Variants in TUBGCP3 observed in about 807,000 individuals in gnomAD.
The protein encoded by TUBGCP3 is gamma-tubulin complex component 3.
In TUBGCP3, 50 loss-of-function variants were observed where a neutral mutation model predicts 123.1. The ratio of observed to expected loss-of-function variants is 0.41; its 90% CI spans 0.32 to 0.51. The LOEUF is 0.51. Ranked by LOEUF, TUBGCP3 falls within the 20% of genes least tolerant of loss-of-function variation. The probability of loss-of-function intolerance (pLI) is 0.36; values close to 1 mark genes in which losing one functional copy is unlikely to be tolerated. For missense variants in TUBGCP3, 882 were observed against 1,127.0 expected (o/e 0.78, Z 3.11); for synonymous variants, 405 against 413.9 (o/e 0.98, Z 0.26).
At chr13:112,502,780 C>T (rs1309223013) in intron 19 of TUBGCP3, among the ~76,000 whole-genome samples, 3 of 151,972 alleles carry the variant, frequency 2.0e-5, no homozygotes, top group African/African-American at 4.8e-5. Context: ...CTCCTAACCT[C>T]GTGATCCACC....
chr13:112,507,874 G>T (rs984214942), intron 17 of TUBGCP3, among the ~76,000 whole-genome samples: 2 of 152,148 alleles, frequency 1.3e-5, no homozygotes, highest in Non-Finnish European at 2.9e-5. Flanking sequence ...TTCTATTTCA[G>T]AATCTCTTGA....
rs1451348117 is a variant in TUBGCP3 at position 112,519,051 on chromosome 13, C to G, written c.1882-8G>C. 6.8e-6 allele frequency: 11 copies of G among 1,610,578 alleles called. No homozygotes were observed. The South Asian group carries it at 1.2e-4, about 18-fold the overall frequency. ...AGTGTCACCTGGAGAGACCTAACAACAGAAACAAACACATAATTGCAAGAC... is the reference window on the plus strand; with the variant it reads ...AGTGTCACCTGGAGAGACCTAACAAGAGAAACAAACACATAATTGCAAGAC... On this transcript the variant is annotated splice_region_variant and splice_polypyrimidine_tract_variant and intron_variant, in intron 15 of 21. Transcript: ENST00000261965. This position sits in a 1 kb window ranked among gnomAD's most constrained non-coding sequence, Gnocchi z 6.2.
chr13:112,576,230 T>C (rs1373256667), intron 1 of TUBGCP3, among the ~76,000 whole-genome samples: 9 of 151,746 alleles, frequency 5.9e-5, no homozygotes, highest in Admixed American at 2.6e-4. Flanking sequence ...AGGCCTCAAA[T>C]TGGAAAAACT....
At chr13:112,489,785 G>A (rs1327349698) in intron 20 of TUBGCP3, 88 bp from the exon 21 acceptor site, 1 of 1,064,692 alleles carries the variant, frequency 9.4e-7, no homozygotes, top group Non-Finnish European at 1.4e-6. Context: ...GTGAGGAGCA[G>A]GAGGTGTCTG....
intron 5 of TUBGCP3, 89 bp downstream of exon 5, chr13:112,558,107 T>C: frequency 2.2e-6 from 3 of 1,387,438 alleles, no homozygotes; most frequent in South Asian, 2.8e-5. Flanking sequence ...CCACTGATAC[T>C]GTGGGTGAAC....
At chr13:112,600,674 G>A in the TUBGCP3 span, among the ~76,000 whole-genome samples, 1 of 152,068 alleles carries the variant, frequency 6.6e-6, no homozygotes, top group Non-Finnish European at 1.5e-5. Context: ...GTTGACATTT[G>A]ATAAGGCTTT....
intron 11 of TUBGCP3, among the ~76,000 whole-genome samples, chr13:112,527,757 C>G (rs1456756885): frequency 6.6e-6 from 1 of 152,210 alleles, no homozygotes; most frequent in Non-Finnish European, 1.5e-5. Flanking sequence ...CAGCATAATA[C>G]TGAGGCTTCC....
chr13:112,605,474 A>C, the TUBGCP3 span: 2 of 152,182 alleles, frequency 1.3e-5, no homozygotes, highest in Non-Finnish European at 2.9e-5. Context: ...AGAAGTCGGA[A>C]TGCCTGGAGA....
At chr13:112,574,042 C>T (rs555067012) in intron 1 of TUBGCP3, among the ~76,000 whole-genome samples, 10 of 149,400 alleles carry the variant, frequency 6.7e-5, no homozygotes, top group Non-Finnish European at 1.0e-4. Flanking sequence ...AGTGTGGCTT[C>T]CCCTGCCCAA....
the TUBGCP3 span, among the ~76,000 whole-genome samples, chr13:112,595,433 G>A: frequency 6.6e-6 from 1 of 152,070 alleles, no homozygotes. Flanking sequence ...TCCTGACCTC[G>A]TGATCCACCC....
chr13:112,542,267 G>A lies in TUBGCP3; in HGVS notation c.1335+3432C>T, dbSNP rs181832726. On this transcript the variant is annotated intron_variant, in intron 11 of 21. Coordinates refer to ENST00000261965, the MANE Select transcript of TUBGCP3 (RefSeq NM_006322.6). The stretch of plus-strand genomic sequence containing the variant: ...AAACTCAAATAACTTGGCTTATTGT[G>A]ATAATGGTCAGGAGATTTAATATGC... 2.0e-4 allele frequency among the ~76,000 whole-genome samples: 31 copies of A among 152,260 alleles called. No individual in the cohort carries two copies. The East Asian group carries it at 6.0e-3, about 29-fold the overall frequency.
intron 20 of TUBGCP3, among the ~76,000 whole-genome samples, chr13:112,494,469 T>TA (rs1456209837): frequency 2.0e-5 from 3 of 152,250 alleles, no homozygotes; most frequent in Non-Finnish European, 4.4e-5. Context: ...CAGTGCTGCC[T>TA]ACTTAGGCCC....
the TUBGCP3 span, among the ~76,000 whole-genome samples, chr13:112,602,200 A>G: frequency 2.0e-5 from 3 of 152,220 alleles, no homozygotes; most frequent in Admixed American, 6.5e-5. Context: ...ATTGCTTAAT[A>G]TATTTTAATA....
At chr13:112,584,839 G>A (rs555783844) in intron 1 of TUBGCP3, among the ~76,000 whole-genome samples, 2 of 152,278 alleles carry the variant, frequency 1.3e-5, no homozygotes, top group East Asian at 1.9e-4. Context: ...GAATAATTAC[G>A]CAAAGACATA....
intron 17 of TUBGCP3, 36 bp downstream of exon 17, chr13:112,516,404 A>G (rs745519906): frequency 2.0e-6 from 3 of 1,536,324 alleles, no homozygotes; most frequent in East Asian, 4.9e-5. Context: ...GGCCGCTGGG[A>G]GTGTGTGCGG....
At chr13:112,533,563 C>T (rs1217064366) in intron 11 of TUBGCP3, among the ~76,000 whole-genome samples, 1 of 151,964 alleles carries the variant, frequency 6.6e-6, no homozygotes, top group African/African-American at 2.4e-5. Flanking sequence ...TTTATCTCTT[C>T]CTTCAATTAT....
chr13:112,530,119 T>G (rs771762374), intron 11 of TUBGCP3, among the ~76,000 whole-genome samples: 19 of 152,228 alleles, frequency 1.2e-4, no homozygotes, highest in Non-Finnish European at 2.5e-4. Flanking sequence ...ATGGCCTCAG[T>G]TGATTTCATG....
intron 8 of TUBGCP3, among the ~76,000 whole-genome samples, chr13:112,552,782 C>A (rs1368663183): frequency 6.6e-6 from 1 of 151,366 alleles, no homozygotes; most frequent in East Asian, 2.0e-4. Flanking sequence ...TCCCCACCAG[C>A]CACGCTCTTC....
intron 20 of TUBGCP3, among the ~76,000 whole-genome samples, chr13:112,492,541 C>G (rs7335796): frequency 6.6e-6 from 1 of 152,256 alleles, no homozygotes; most frequent in African/African-American, 2.4e-5. Context: ...CCTCTCCCCC[C>G]AGAGGAGCCC....
Sources: allele counts gnomAD v4.1 joint callset (sites outside exome capture counted in the v4.1 genomes callset), GRCh38; gene constraint gnomAD v4.1.1; non-coding constraint Gnocchi (gnomAD v3.1); transcripts MANE v1.5; gene names NCBI Gene and HGNC (gene_info 2026-07-23, HGNC 2026-07-21).